The following MIPEP variants were observed in gnomAD, a reference collection of about 807,000 sequenced individuals.
MIPEP encodes the protein mitochondrial intermediate peptidase.
In MIPEP, 79 loss-of-function variants were observed where a neutral mutation model predicts 90.3. That is an observed-to-expected ratio of 0.87 (90% CI 0.73 to 1.05). The LOEUF (loss-of-function observed/expected upper bound fraction) is 1.05. MIPEP is among the 50% of genes least tolerant of loss of function. The probability of loss-of-function intolerance (pLI) is 0.00; values close to 1 mark genes in which losing one functional copy is unlikely to be tolerated. For missense variants in MIPEP, 940 were observed against 905.6 expected, an observed-to-expected ratio of 1.04 and a Z score of -0.49; for synonymous variants, 334 against 315.8, an observed-to-expected ratio of 1.06 and a Z score of -0.61.
chr13:23,762,902 G>A (rs942248657), intron 16 of MIPEP, among the ~76,000 whole-genome samples: 1 of 152,210 alleles, frequency 6.6e-6, no homozygotes, highest in African/African-American at 2.4e-5. Context: ...TGTGCCCTAG[G>A]TGGGAGGAGC....
chr13:23,863,806 G>A (rs1240222184), intron 8 of MIPEP, among the ~76,000 whole-genome samples: 1 of 152,120 alleles, frequency 6.6e-6, no homozygotes, highest in Non-Finnish European at 1.5e-5. Context: ...GCCAAAAGAA[G>A]AGAAATACTA....
Position 23,881,643 on chromosome 13 carries a change from A to C in MIPEP, c.452+56T>G, listed in dbSNP as rs113985780. ...ACAAAACTGCCTACGGCACAAGTCCATGAAACCGGATCACCCAGGACTTGG... is the reference window on the plus strand; with the variant it reads ...ACAAAACTGCCTACGGCACAAGTCCCTGAAACCGGATCACCCAGGACTTGG... On this transcript the variant is annotated intron_variant, in intron 3 of 18. Coordinates refer to ENST00000382172, the MANE Select transcript of MIPEP (RefSeq NM_005932.4). The C allele has an allele frequency of 3.9e-3, 5,576 of 1,447,258 alleles. 22 individuals are homozygous for C. Among genetic ancestry groups the C allele is most frequent in the African/African-American group, 0.017 (1,193 of 71,542 alleles). The allele number at this position is 1,447,258 out of a possible 1,614,324, so 89.7% of individuals were successfully genotyped here. A position where few individuals can be genotyped will look rare whatever the true frequency, so the allele number is the denominator to read the frequency against.
intron 14 of MIPEP, among the ~76,000 whole-genome samples, chr13:23,810,724 A>G (rs1593167752): frequency 6.6e-6 from 1 of 152,360 alleles, no homozygotes; most frequent in East Asian, 1.9e-4. Context: ...GTATAAATTA[A>G]CCACCTGTGA....
At chr13:23,879,695 G>C (rs576025718) in intron 3 of MIPEP, among the ~76,000 whole-genome samples, 197 of 152,162 alleles carry the variant, frequency 1.3e-3, no homozygotes, top group Middle Eastern at 3.4e-3. Context: ...ACCACGCCCA[G>C]CTAATTTTTA....
chr13:23,813,005 T>C (rs1263455375), intron 14 of MIPEP, among the ~76,000 whole-genome samples: 1 of 152,164 alleles, frequency 6.6e-6, no homozygotes, highest in African/African-American at 2.4e-5. Flanking sequence ...AATGTTCTTT[T>C]TAAAAAAACT....
chr13:23,836,489 A>C (rs1593182033), intron 13 of MIPEP, 140 bp from the exon 14 acceptor site: 2 of 485,992 alleles, frequency 4.1e-6, no homozygotes, highest in East Asian at 6.7e-5. Flanking sequence ...TTCTTCTATA[A>C]ATTTATTGTA....
chr13:23,760,026 C>G, intron 17 of MIPEP, 70 bp downstream of exon 17: 2 of 1,599,860 alleles, frequency 1.3e-6, no homozygotes, highest in South Asian at 2.2e-5. Context: ...TCGAGCCCGA[C>G]TTCCAGATGT....
chr13:23,852,934 A>G (rs1042019121), intron 10 of MIPEP, among the ~76,000 whole-genome samples: 27 of 152,204 alleles, frequency 1.8e-4, no homozygotes, highest in African/African-American at 6.5e-4. Flanking sequence ...GTCTTGGTTT[A>G]TAACAAAAAA....
intron 16 of MIPEP, among the ~76,000 whole-genome samples, chr13:23,766,844 G>A (rs1952595429): frequency 6.6e-6 from 1 of 152,242 alleles, no homozygotes; most frequent in Admixed American, 6.5e-5. Context: ...ATAGACAGAA[G>A]CTGCTCCTTG....
intron 14 of MIPEP, among the ~76,000 whole-genome samples, 164 bp downstream of exon 14, chr13:23,836,076 T>C (rs928988120): frequency 2.0e-4 from 30 of 152,128 alleles, no homozygotes; most frequent in African/African-American, 7.0e-4. Context: ...TTTAATAGAC[T>C]GGCAAAAGAA....
intron 14 of MIPEP, among the ~76,000 whole-genome samples, chr13:23,824,195 T>C (rs904115926): frequency 1.3e-5 from 2 of 152,242 alleles, no homozygotes; most frequent in African/African-American, 4.8e-5. Context: ...GCATGTAATC[T>C]CATAAACTTG....
intron 9 of MIPEP, 93 bp downstream of exon 9, chr13:23,862,209 G>A (rs1327484230): frequency 1.4e-5 from 11 of 766,752 alleles, no homozygotes; most frequent in East Asian, 2.7e-5. Context: ...AAATGGACCT[G>A]TAGCCTATCA....
At chr13:23,759,075 T>C (rs969865311) in intron 17 of MIPEP, among the ~76,000 whole-genome samples, 3 of 152,216 alleles carry the variant, frequency 2.0e-5, no homozygotes, top group Non-Finnish European at 4.4e-5. Flanking sequence ...TAGTTATTTG[T>C]GTGGTGAGAA....
chr13:23,758,295 T>C (rs1038344547), intron 17 of MIPEP, among the ~76,000 whole-genome samples: 3 of 152,210 alleles, frequency 2.0e-5, no homozygotes, highest in Admixed American at 1.3e-4. Flanking sequence ...CTTTCTGATG[T>C]AGGCTCCAGC....
intron 1 of MIPEP, chr13:23,888,560 G>A: frequency 6.7e-6 from 2 of 298,562 alleles, no homozygotes; most frequent in Non-Finnish European, 9.9e-6. Flanking sequence ...CCAATTCCAT[G>A]GCACTATGGG....
intron 14 of MIPEP, among the ~76,000 whole-genome samples, chr13:23,831,291 G>A (rs964714855): frequency 1.3e-5 from 2 of 148,758 alleles, no homozygotes; most frequent in East Asian, 3.9e-4. Context: ...CCTCCATTAG[G>A]AATCAGGATC....
chr13:23,744,084 G>A (rs1211427207), intron 18 of MIPEP, among the ~76,000 whole-genome samples: 2 of 152,206 alleles, frequency 1.3e-5, no homozygotes, highest in East Asian at 3.8e-4. Flanking sequence ...TGCAAGAAAA[G>A]CAGCTTTCTG....
chr13:23,788,303 G>A (rs1351271365), intron 16 of MIPEP, among the ~76,000 whole-genome samples: 2 of 152,082 alleles, frequency 1.3e-5, no homozygotes, highest in East Asian at 1.9e-4. Flanking sequence ...GCCATATTAG[G>A]CTATGCTATG....
At chr13:23,871,772 T>C (rs909038281) in intron 5 of MIPEP, among the ~76,000 whole-genome samples, 1 of 150,930 alleles carries the variant, frequency 6.6e-6, no homozygotes, top group Non-Finnish European at 1.5e-5. Flanking sequence ...CCCATTTCCT[T>C]ACAGTCCAGA....
Sources: gnomAD v4.1 joint callset for allele counts (sites outside exome capture counted in the v4.1 genomes callset) on GRCh38, gnomAD v4.1.1 for gene constraint, MANE v1.5 for transcripts, NCBI Gene and HGNC (gene_info 2026-07-23, HGNC 2026-07-21) for gene names.